The following THRB variants were observed in gnomAD, a reference collection of about 807,000 sequenced individuals.
THRB encodes the protein nuclear receptor subfamily 1 group A member 2.
Under a neutral mutation model 47.8 loss-of-function variants are expected in THRB, and 12 were observed. The observed-to-expected ratio is 0.25, with a 90% CI of 0.16 to 0.41. The LOEUF (loss-of-function observed/expected upper bound fraction) is 0.41. THRB is among the 10% of genes least tolerant of loss of function. The pLI is 1.00. For synonymous variants in THRB, 218 were observed against 212.2 expected (o/e 1.03, Z -0.24); for missense variants, 348 against 589.2 (o/e 0.59, Z 4.24).
intron 1 of THRB, among the ~76,000 whole-genome samples, chr3:24,451,018 G>C (rs2072595873): frequency 6.6e-6 from 1 of 151,836 alleles, no homozygotes; most frequent in African/African-American, 2.4e-5. Flanking sequence ...TTAAAAATTT[G>C]GTTTCCCACA....
intron 1 of THRB, among the ~76,000 whole-genome samples, chr3:24,481,787 G>A (rs1021622119): frequency 2.0e-5 from 3 of 151,574 alleles, no homozygotes; most frequent in Non-Finnish European, 4.4e-5. Context: ...AACATAAGTG[G>A]GGGAAAATAT....
chr3:24,369,230 G>C (rs2149725198), intron 1 of THRB, among the ~76,000 whole-genome samples: 1 of 152,172 alleles, frequency 6.6e-6, no homozygotes, highest in Admixed American at 6.5e-5. Flanking sequence ...AGACAGAGGG[G>C]GAAACTAACA....
intron 2 of THRB, among the ~76,000 whole-genome samples, chr3:24,334,672 C>T (rs1227143204): frequency 6.6e-6 from 1 of 152,168 alleles, no homozygotes; most frequent in African/African-American, 2.4e-5. Context: ...TCTTTCCTCT[C>T]TTTCACAGTA....
At chr3:24,240,473 A>G (rs997689503) in intron 3 of THRB, among the ~76,000 whole-genome samples, 1 of 152,236 alleles carries the variant, frequency 6.6e-6, no homozygotes, top group East Asian at 1.9e-4. Context: ...GATGCCAACC[A>G]TAGCTGAGAA....
At chr3:24,287,260 A>C (rs1158368307) in intron 3 of THRB, among the ~76,000 whole-genome samples, 1 of 152,192 alleles carries the variant, frequency 6.6e-6, no homozygotes, top group African/African-American at 2.4e-5. Context: ...TGAGACCTGC[A>C]CATTTACCTT....
chr3:24,281,169 G>A (rs1337054625), intron 3 of THRB, among the ~76,000 whole-genome samples: 2 of 152,148 alleles, frequency 1.3e-5, no homozygotes, highest in Non-Finnish European at 2.9e-5. Context: ...AGGAAAAAAT[G>A]TTAAGGGCAG....
At chr3:24,400,263 A>G (rs745818811) in intron 1 of THRB, among the ~76,000 whole-genome samples, 12 of 152,226 alleles carry the variant, frequency 7.9e-5, no homozygotes, top group Non-Finnish European at 1.3e-4. Flanking sequence ...CAAGGTTCTA[A>G]TGAGTTACTG....
chr3:24,403,438 C>A (rs1199757205), intron 1 of THRB, among the ~76,000 whole-genome samples: 1 of 151,846 alleles, frequency 6.6e-6, no homozygotes, highest in Non-Finnish European at 1.5e-5. Context: ...CTCAATGTAT[C>A]CGAGAAATTC....
intron 4 of THRB, among the ~76,000 whole-genome samples, chr3:24,205,767 A>T (rs994601659): frequency 9.2e-5 from 14 of 152,244 alleles, no homozygotes; most frequent in African/African-American, 3.4e-4. Flanking sequence ...TCTCATGTGC[A>T]GAGACACACA....
At position 24,326,221 on chromosome 3, in the gene THRB, G is replaced by A. The variant is rs961179678; in HGVS notation, c.-189+11079C>T. On this transcript the variant is annotated intron_variant, in intron 2 of 10. Transcript: ENST00000646209. ...ATTTCTCCCCACCTCCACCACCACG[G>A]TTAGTTACAACTTTCTTTTTATTTT... is the stretch of plus-strand genomic sequence containing the variant. Among the ~76,000 whole-genome samples, 4 of 152,014 alleles carry A rather than the reference G, an allele frequency of 2.6e-5. No individual in the cohort carries two copies. The East Asian group carries it at 5.8e-4, about 22-fold the overall frequency.
intron 3 of THRB, among the ~76,000 whole-genome samples, chr3:24,253,493 C>T (rs1225575538): frequency 6.6e-6 from 1 of 152,160 alleles, no homozygotes; most frequent in Non-Finnish European, 1.5e-5. Flanking sequence ...TAAGCAGCAG[C>T]AAAGTGCACT....
intron 5 of THRB, among the ~76,000 whole-genome samples, chr3:24,159,148 G>C (rs556366041): frequency 6.6e-6 from 1 of 152,218 alleles, no homozygotes; most frequent in Non-Finnish European, 1.5e-5. Context: ...AATCCATTCA[G>C]AATGGGATTC....
At chr3:24,159,752 T>C (rs1336653854) in intron 5 of THRB, among the ~76,000 whole-genome samples, 3 of 151,416 alleles carry the variant, frequency 2.0e-5, no homozygotes, top group Non-Finnish European at 4.4e-5. Flanking sequence ...TGTGTGTGTG[T>C]GTGTGTGTGT....
chr3:24,488,554 CT>C (rs1229768005), intron 1 of THRB, among the ~76,000 whole-genome samples: 3 of 144,844 alleles, frequency 2.1e-5, no homozygotes, highest in Non-Finnish European at 1.5e-5. Context: ...ATGAATTTGC[CT>C]TCTTTTTTTT....
chr3:24,195,735 G>A (rs2043874774), intron 4 of THRB, among the ~76,000 whole-genome samples: 1 of 152,126 alleles, frequency 6.6e-6, no homozygotes. Context: ...CCAGCCACAT[G>A]GGCTGCCTCT....
chr3:24,298,634 C>G (rs1257345028), intron 2 of THRB, among the ~76,000 whole-genome samples: 2 of 152,186 alleles, frequency 1.3e-5, no homozygotes. Context: ...AGCCTTGTAA[C>G]AACTCTGTAC....
intron 1 of THRB, among the ~76,000 whole-genome samples, chr3:24,412,008 G>A (rs756507191): frequency 4.6e-5 from 7 of 151,714 alleles, no homozygotes; most frequent in Non-Finnish European, 8.8e-5. Flanking sequence ...ATATTATTTA[G>A]CAATGAATTT....
chr3:24,441,330 G>A (rs1175530186), intron 1 of THRB, among the ~76,000 whole-genome samples: 1 of 152,170 alleles, frequency 6.6e-6, no homozygotes, highest in South Asian at 2.1e-4. Context: ...GTGTGTACAC[G>A]ATTGGGTAGG....
intron 1 of THRB, chr3:24,494,204 C>G (rs1698655536): frequency 6.6e-6 from 1 of 152,364 alleles, no homozygotes; most frequent in Admixed American, 6.5e-5. Flanking sequence ...CCCTTTAACC[C>G]TCCCCCCTGG....
Sources: gnomAD v4.1 joint callset for allele counts (sites outside exome capture counted in the v4.1 genomes callset) on GRCh38, gnomAD v4.1.1 for gene constraint, MANE v1.5 for transcripts, NCBI Gene and HGNC (gene_info 2026-07-23, HGNC 2026-07-21) for gene names.